CDH23: variants seen among roughly 807,000 people sequenced by gnomAD.
CDH23 encodes the protein cadherin-23.
In CDH23, 189 loss-of-function variants were observed where a neutral mutation model predicts 317.1. That is an observed-to-expected ratio of 0.60 (90% confidence interval 0.53 to 0.67). The LOEUF is 0.67. Among genes scored for constraint, CDH23 ranks in the 30% least tolerant of loss-of-function variants. CDH23 has a pLI of 0.00. For synonymous variants in CDH23, 1,839 were observed against 1,876.8 expected, an observed-to-expected ratio of 0.98 and a Z score of 0.52; for missense variants, 4,401 against 4,592.4, an observed-to-expected ratio of 0.96 and a Z score of 1.20.
At chr10:71,604,174 T>C (rs1236278959) in intron 9 of CDH23, among the ~76,000 whole-genome samples, 1 of 152,036 alleles carries the variant, frequency 6.6e-6, no homozygotes, top group African/African-American at 2.4e-5. Flanking sequence ...CTAAGCAACA[T>C]GGGAGGCTGA....
At chr10:71,787,319 A>ATTTTTT (rs34939679) in intron 44 of CDH23, among the ~76,000 whole-genome samples, 1 of 126,406 alleles carries the variant, frequency 7.9e-6, no homozygotes, top group African/African-American at 3.0e-5. Flanking sequence ...CGCTTTTCAG[A>ATTTTTT]TTTTTTTTTT....
At chr10:71,678,765 G>T (rs1589324029) in intron 16 of CDH23, among the ~76,000 whole-genome samples, 1 of 152,190 alleles carries the variant, frequency 6.6e-6, no homozygotes, top group South Asian at 2.1e-4. Flanking sequence ...GGGGTAGAGG[G>T]ATCCCTGGCC....
intron 18 of CDH23, 106 bp downstream of exon 18, chr10:71,682,678 C>A: frequency 7.0e-7 from 1 of 1,421,522 alleles, no homozygotes; most frequent in South Asian, 1.3e-5. Context: ...CTTGGCTGTC[C>A]CTGCACCTTG....
intron 9 of CDH23, among the ~76,000 whole-genome samples, chr10:71,603,174 C>T (rs773467119): frequency 5.3e-5 from 8 of 152,156 alleles, no homozygotes; most frequent in South Asian, 2.1e-4. Context: ...GGTGACAACA[C>T]GTCCAGGATG....
intron 1 of CDH23, among the ~76,000 whole-genome samples, chr10:71,423,724 A>C (rs758736401): frequency 6.6e-6 from 1 of 152,146 alleles, no homozygotes; most frequent in African/African-American, 2.4e-5. Flanking sequence ...TCATGCCTCT[A>C]TCCTCTCTGA....
At chr10:71,603,774 CCAG>C (rs1860372890) in intron 9 of CDH23, among the ~76,000 whole-genome samples, 1 of 152,236 alleles carries the variant, frequency 6.6e-6, no homozygotes, top group Admixed American at 6.5e-5. Context: ...GGTTCTAATC[CCAG>C]CATGGTCACT....
chr10:71,680,630 C>A (rs9415033), intron 17 of CDH23, among the ~76,000 whole-genome samples: 21,552 of 150,888 alleles, frequency 0.14, 2,065 homozygotes, highest in South Asian at 0.31. Flanking sequence ...CACCTGTAAT[C>A]CCAGATACTC....
At chr10:71,661,680 G>A (rs912038638) in intron 14 of CDH23, among the ~76,000 whole-genome samples, 1 of 150,786 alleles carries the variant, frequency 6.6e-6, no homozygotes, top group African/African-American at 2.4e-5. Context: ...AGTGAGGGCT[G>A]CTTCTTGGCA....
intron 3 of CDH23, among the ~76,000 whole-genome samples, chr10:71,458,843 A>G (rs922879931): frequency 1.3e-5 from 2 of 152,184 alleles, no homozygotes; most frequent in Admixed American, 1.3e-4. Flanking sequence ...GCTGGAGTGC[A>G]GTGGCGCGAT....
chr10:71,790,617 G>A (rs1382459890), intron 46 of CDH23: 16 of 644,014 alleles, frequency 2.5e-5, no homozygotes, highest in Non-Finnish European at 3.4e-5. Flanking sequence ...GCTTGGAGAC[G>A]ATACACAGGA....
At chr10:71,656,786 G>A (rs750560609) in intron 14 of CDH23, among the ~76,000 whole-genome samples, 7 of 152,170 alleles carry the variant, frequency 4.6e-5, no homozygotes, top group Non-Finnish European at 1.5e-5. Context: ...CCTGGCTGTG[G>A]TGGATGCACA....
At position 71,815,145 on chromosome 10, in the gene CDH23, C is replaced by A. The variant is rs754146004; in HGVS notation, c.9932C>A (p.Ser3311Ter). 6.2e-7 allele frequency: 1 copy of A among 1,611,122 alleles called. No individual in the cohort carries two copies. Residue 3311 changes from serine to a stop codon, truncating the protein, a stop_gained, in exon 70 of 70, where the codon TCG becomes TAG. Transcript: ENST00000224721. LOFTEE classifies it high-confidence loss of function. Reference protein sequence around the residue: ...PEEDQKGLGRSLETLTAAEAT... With the variant: ...PEEDQKGLGR The stretch of plus-strand genomic sequence containing the variant: ...GAAGACCAGAAGGGCCTGGGCCGCT[C>A]GCTGGAGACGCTGACCGCTGCCGAG...
intron 60 of CDH23, 60 bp downstream of exon 60, chr10:71,808,067 T>C: frequency 6.5e-7 from 1 of 1,546,710 alleles, no homozygotes; most frequent in Non-Finnish European, 8.7e-7. Context: ...CTGCATGGAC[T>C]GTCATCTGGG....
rs927992910 is a variant in CDH23 at position 71,675,308 on chromosome 10, G to A, written c.1514+132G>A. 5 of 735,292 alleles carry A rather than the reference G, an allele frequency of 6.8e-6. No individual in the cohort carries two copies. In the African/African-American group the frequency reaches 8.7e-5, roughly 13 times the overall value. 45.5% of individuals were successfully genotyped at this position (735,292 alleles called of 1,614,324 possible). Reference sequence around the variant, plus strand: ...GTCCTGTGGCTAGAGCACTGGACTGGAAGTTGGAACCCATGGGCACTGTGG... The same window carrying A: ...GTCCTGTGGCTAGAGCACTGGACTGAAAGTTGGAACCCATGGGCACTGTGG... On this transcript the variant is annotated intron_variant, in intron 15 of 69. Transcript: ENST00000224721.
intron 3 of CDH23, among the ~76,000 whole-genome samples, chr10:71,472,453 C>T (rs1439736147): frequency 1.3e-5 from 2 of 152,254 alleles, no homozygotes; most frequent in Non-Finnish European, 2.9e-5. Flanking sequence ...TAAATCCCCT[C>T]TCTTCGCAGC....
chr10:71,640,576 C>A (rs571668288), intron 11 of CDH23, among the ~76,000 whole-genome samples: 16 of 152,056 alleles, frequency 1.1e-4, no homozygotes, highest in African/African-American at 3.9e-4. Context: ...GGTGAAACCC[C>A]GTCTCTACTA....
intron 53 of CDH23, among the ~76,000 whole-genome samples, chr10:71,801,223 C>T (rs1319983113): frequency 2.9e-5 from 4 of 136,746 alleles, no homozygotes; most frequent in East Asian, 4.6e-4. Context: ...TGGCGTGATC[C>T]GGCTCACCAC....
chr10:71,781,710 G>A (rs988424253), intron 41 of CDH23, among the ~76,000 whole-genome samples: 3 of 152,222 alleles, frequency 2.0e-5, no homozygotes, highest in East Asian at 1.9e-4. Flanking sequence ...GGCTCTCAAA[G>A]GAGTGAGAGA....
At chr10:71,418,169 G>C (rs1848610248) in intron 1 of CDH23, among the ~76,000 whole-genome samples, 1 of 151,826 alleles carries the variant, frequency 6.6e-6, no homozygotes, top group African/African-American at 2.4e-5. Flanking sequence ...TCACCTATGG[G>C]CTTGTTTTTA....
Sources: gnomAD v4.1 joint callset for allele counts (sites outside exome capture counted in the v4.1 genomes callset) on GRCh38, gnomAD v4.1.1 for gene constraint, MANE v1.5 for transcripts, NCBI Gene and HGNC (gene_info 2026-07-23, HGNC 2026-07-21) for gene names.